The following FGF14 variants were observed in gnomAD, a reference collection of about 807,000 sequenced individuals.
FGF14 encodes fibroblast growth factor 14.
In FGF14, 5 loss-of-function variants were observed where a neutral mutation model predicts 25.5. The observed-to-expected ratio is 0.20, with a 90% CI of 0.10 to 0.41. The LOEUF is 0.41. Among genes scored for constraint, FGF14 ranks in the 10% least tolerant of loss-of-function variants. FGF14 has a pLI of 1.00. For synonymous variants in FGF14, 138 were observed against 118.3 expected, an observed-to-expected ratio of 1.17 and a Z score of -1.08; for missense variants, 222 against 320.1, an observed-to-expected ratio of 0.69 and a Z score of 2.34.
intron 1 of FGF14, among the ~76,000 whole-genome samples, chr13:101,957,547 C>T (rs774865163): frequency 1.3e-5 from 2 of 152,130 alleles, no homozygotes; most frequent in Non-Finnish European, 2.9e-5. Flanking sequence ...CACAAATTCT[C>T]GATCTTGTTC....
rs1305320921 is a variant in FGF14 at position 101,720,300 on chromosome 13, AAT to A, written c.*2529_*2530del. On this transcript the variant is annotated 3_prime_UTR_variant, in exon 5 of 5. Transcript: ENST00000376143. ...TTACAAATAACAAGGACCCCTCTGCAATATGTCTAAACATATATTAGAAGAAA... is the reference window on the plus strand; with the variant it reads ...TTACAAATAACAAGGACCCCTCTGCAATGTCTAAACATATATTAGAAGAAA... 3 of 152,158 alleles carry A rather than the reference AAT, an allele frequency of 2.0e-5. No individual in the cohort carries two copies. Among genetic ancestry groups the A allele is most frequent in the African/African-American group, 7.2e-5 (3 of 41,458 alleles). 9.4% of individuals were successfully genotyped at this position (152,158 alleles called of 1,614,324 possible).
intron 3 of FGF14, among the ~76,000 whole-genome samples, chr13:101,749,889 A>G (rs2037159340): frequency 6.6e-6 from 1 of 152,040 alleles, no homozygotes; most frequent in Non-Finnish European, 1.5e-5. Flanking sequence ...CAAAATTAAT[A>G]TGTTGGAACC....
intron 1 of FGF14, among the ~76,000 whole-genome samples, chr13:101,887,119 A>G (rs528750601): frequency 2.0e-5 from 3 of 152,034 alleles, no homozygotes; most frequent in Non-Finnish European, 4.4e-5. Context: ...TACAGCCACT[A>G]TGGAAAACAG....
At chr13:101,734,931 T>C (rs1260465773) in intron 3 of FGF14, among the ~76,000 whole-genome samples, 1 of 152,216 alleles carries the variant, frequency 6.6e-6, no homozygotes, top group African/African-American at 2.4e-5. Flanking sequence ...GCAAAAATGA[T>C]TCTAATTCTT....
chr13:102,390,406 T>C (rs1466542686), intron 1 of FGF14, among the ~76,000 whole-genome samples: 1 of 152,260 alleles, frequency 6.6e-6, no homozygotes, highest in African/African-American at 2.4e-5. Context: ...TCACAGTCCC[T>C]TTTAGTTTCA....
intron 1 of FGF14, among the ~76,000 whole-genome samples, chr13:102,153,135 T>C (rs1205441437): frequency 6.6e-6 from 1 of 152,222 alleles, no homozygotes; most frequent in East Asian, 1.9e-4. Flanking sequence ...ACAGAGCTTT[T>C]GTAGACATAC....
At chr13:102,056,766 AAATAT>A (rs1189347081) in intron 1 of FGF14, among the ~76,000 whole-genome samples, 2 of 149,808 alleles carry the variant, frequency 1.3e-5, no homozygotes, top group Non-Finnish European at 3.0e-5. Context: ...TATATATGTA[AAATAT>A]AATACAGATA....
chr13:102,161,192 G>A (rs985809796), intron 1 of FGF14, among the ~76,000 whole-genome samples: 18 of 152,082 alleles, frequency 1.2e-4, no homozygotes, highest in African/African-American at 4.3e-4. Context: ...TAAACATCTT[G>A]AAGAGATGAA....
chr13:101,872,137 C>G (rs981108200), intron 2 of FGF14, among the ~76,000 whole-genome samples: 1 of 151,536 alleles, frequency 6.6e-6, no homozygotes, highest in African/African-American at 2.4e-5. Flanking sequence ...TTCAAGCCCT[C>G]AATTTTGTTA....
chr13:102,047,966 C>G (rs2042062561), intron 1 of FGF14, among the ~76,000 whole-genome samples: 1 of 151,698 alleles, frequency 6.6e-6, no homozygotes, highest in East Asian at 1.9e-4. Flanking sequence ...TGGTATGGTG[C>G]CAGTTCCTTT....
chr13:102,370,691 T>C (rs1351995974), intron 1 of FGF14, among the ~76,000 whole-genome samples: 8 of 152,354 alleles, frequency 5.3e-5, no homozygotes, highest in African/African-American at 1.9e-4. Flanking sequence ...GGTTTGCCAA[T>C]GTGCATCCTG....
chr13:101,975,917 A>G (rs1281635176), intron 1 of FGF14, among the ~76,000 whole-genome samples: 1 of 152,190 alleles, frequency 6.6e-6, no homozygotes, highest in Non-Finnish European at 1.5e-5. Context: ...ATAGCCACAC[A>G]AAGTCACAAG....
chr13:101,726,085 A>T (rs1233266676), intron 4 of FGF14, among the ~76,000 whole-genome samples: 1 of 152,024 alleles, frequency 6.6e-6, no homozygotes, highest in Non-Finnish European at 1.5e-5. Flanking sequence ...TTGAAAGCAG[A>T]TGTGTAATAT....
Position 101,991,832 on chromosome 13 carries a change from A to G in FGF14, c.209-116536T>C, listed in dbSNP as rs1383664313. ...CGGCAAGAAGCCCACACTTTCTTAA[A>G]TTTTACCTCCAGCAGCTTTGTGTTC... is the stretch of plus-strand genomic sequence containing the variant. On this transcript the variant is annotated intron_variant, in intron 1 of 4. Coordinates refer to the FGF14 transcript ENST00000376131. 2.6e-4 allele frequency among the ~76,000 whole-genome samples: 39 copies of G among 152,198 alleles called. No homozygotes were observed. The South Asian group carries it at 8.1e-3, about 32-fold the overall frequency.
At chr13:102,069,131 C>T (rs923024985) in intron 1 of FGF14, among the ~76,000 whole-genome samples, 5 of 150,402 alleles carry the variant, frequency 3.3e-5, no homozygotes, top group Non-Finnish European at 4.4e-5. Flanking sequence ...TTGTATCTAG[C>T]TCAAGGTTCG....
At chr13:102,322,599 T>C (rs1365617710) in intron 1 of FGF14, among the ~76,000 whole-genome samples, 1 of 152,160 alleles carries the variant, frequency 6.6e-6, no homozygotes, top group African/African-American at 2.4e-5. Flanking sequence ...ATAAATAAAG[T>C]TGTGGTTCAA....
chr13:101,912,731 ATATT>A (rs1158005625), intron 1 of FGF14, among the ~76,000 whole-genome samples: 1 of 152,160 alleles, frequency 6.6e-6, no homozygotes, highest in Non-Finnish European at 1.5e-5. Context: ...AGATATAATT[ATATT>A]TATTTAGGGA....
intron 1 of FGF14, among the ~76,000 whole-genome samples, chr13:102,121,106 C>A (rs1156279958): frequency 6.6e-6 from 1 of 152,174 alleles, no homozygotes; most frequent in Non-Finnish European, 1.5e-5. Flanking sequence ...AATCGTTAGT[C>A]CCTATTTTTC....
At chr13:101,768,365 A>C (rs1014198799) in intron 3 of FGF14, among the ~76,000 whole-genome samples, 1 of 151,934 alleles carries the variant, frequency 6.6e-6, no homozygotes, top group Non-Finnish European at 1.5e-5. Context: ...GGGTAGGAAG[A>C]CTCAATATTG....
Sources: gnomAD v4.1 joint callset for allele counts (sites outside exome capture counted in the v4.1 genomes callset) on GRCh38, gnomAD v4.1.1 for gene constraint, MANE v1.5 for transcripts, NCBI Gene and HGNC (gene_info 2026-07-23, HGNC 2026-07-21) for gene names.